Variants in FRMPD2 observed in about 807,000 individuals in gnomAD.
FRMPD2 encodes FERM and PDZ domain-containing protein 2.
Under a neutral mutation model 140.1 loss-of-function variants are expected in FRMPD2, and 96 were observed. The ratio of observed to expected loss-of-function variants is 0.69; its 90% CI spans 0.58 to 0.81. The LOEUF (loss-of-function observed/expected upper bound fraction) is 0.81. Ranked by LOEUF, FRMPD2 falls within the 40% of genes least tolerant of loss-of-function variation. The pLI is 0.00. For missense variants in FRMPD2, 1,240 were observed against 1,447.4 expected, an observed-to-expected ratio of 0.86 and a Z score of 2.32; for synonymous variants, 449 against 547.6, an observed-to-expected ratio of 0.82 and a Z score of 2.52.
intron 9 of FRMPD2, 121 bp downstream of exon 9, chr10:48,236,361 G>C: frequency 1.2e-6 from 1 of 812,672 alleles, no homozygotes. Flanking sequence ...AGAGGTCTGG[G>C]GGAAACTGAA....
At chr10:48,251,746 G>T in intron 1 of FRMPD2, 55 bp from the exon 2 acceptor site, 1 of 1,601,062 alleles carries the variant, frequency 6.2e-7, no homozygotes, top group Non-Finnish European at 8.5e-7. Flanking sequence ...GAACATGTCC[G>T]GGCCCGTACT....
At chr10:48,273,903 G>GT (rs1430981092) in intron 1 of FRMPD2, among the ~76,000 whole-genome samples, 3 of 151,480 alleles carry the variant, frequency 2.0e-5, no homozygotes, top group Non-Finnish European at 4.4e-5. Context: ...AAAAAAAGTT[G>GT]TTTACACTGT....
chr10:48,185,437 AC>A (rs1838658844), intron 18 of FRMPD2, 115 bp downstream of exon 18: 1 of 724,336 alleles, frequency 1.4e-6, no homozygotes, highest in Non-Finnish European at 2.5e-6. Context: ...GAAAAGGCAG[AC>A]TGGGAGAGGA....
rs961142533 is a variant in FRMPD2 at position 48,251,783 on chromosome 10, T to A, written c.26-92A>T. On this transcript the variant is annotated intron_variant, in intron 1 of 28. Transcript: ENST00000374201. ...GCCACTCTGGTGCAGCCAGGCATGGTCTGGCCACTACTGCACACCGGCACT... is the reference window on the plus strand; with the variant it reads ...GCCACTCTGGTGCAGCCAGGCATGGACTGGCCACTACTGCACACCGGCACT... 3 of 1,470,732 alleles carry A rather than the reference T, an allele frequency of 2.0e-6. No individual in the cohort carries two copies. The African/African-American group carries it at 4.2e-5, about 20-fold the overall frequency. The allele number at this position is 1,470,732 out of a possible 1,614,324, so 91.1% of individuals were successfully genotyped here.
intron 10 of FRMPD2, among the ~76,000 whole-genome samples, chr10:48,226,037 T>G (rs917898712): frequency 6.6e-6 from 1 of 152,218 alleles, no homozygotes; most frequent in African/African-American, 2.4e-5. Context: ...TCACATAGAC[T>G]TTCCAAACAT....
chr10:48,272,666 T>A (rs78246974), intron 1 of FRMPD2, among the ~76,000 whole-genome samples: 1,694 of 152,352 alleles, frequency 0.011, 39 homozygotes, highest in African/African-American at 0.039. Flanking sequence ...TTGCTGTTTT[T>A]TCATTCCCTA....
intron 1 of FRMPD2, among the ~76,000 whole-genome samples, chr10:48,263,113 C>T (rs1840622911): frequency 6.6e-6 from 1 of 151,976 alleles, no homozygotes. Context: ...ATATTTTTAA[C>T]TAAACAAAAA....
chr10:48,199,037 A>C (rs1383941678), intron 15 of FRMPD2, among the ~76,000 whole-genome samples: 1 of 152,216 alleles, frequency 6.6e-6, no homozygotes, highest in Non-Finnish European at 1.5e-5. Flanking sequence ...GGAGCTAAAC[A>C]TTGATCAGAC....
intron 14 of FRMPD2, among the ~76,000 whole-genome samples, chr10:48,204,649 G>C (rs765290932): frequency 1.3e-5 from 2 of 152,138 alleles, no homozygotes; most frequent in Non-Finnish European, 2.9e-5. Context: ...TGCAGGATTT[G>C]TTCAGCTTTT....
intron 1 of FRMPD2, among the ~76,000 whole-genome samples, chr10:48,255,360 G>T (rs965825624): frequency 1.6e-4 from 24 of 152,140 alleles, no homozygotes; most frequent in African/African-American, 5.1e-4. Flanking sequence ...CATGCCTCGG[G>T]CTAGAATCTT....
chr10:48,195,460 G>A (rs1023553763), intron 15 of FRMPD2, among the ~76,000 whole-genome samples: 1 of 152,196 alleles, frequency 6.6e-6, no homozygotes, highest in Non-Finnish European at 1.5e-5. Flanking sequence ...AAGCCACAGC[G>A]AGAAATCACT....
At chr10:48,236,445 C>T in intron 9 of FRMPD2, 37 bp downstream of exon 9, 1 of 1,598,954 alleles carries the variant, frequency 6.3e-7, no homozygotes, top group East Asian at 2.2e-5. Flanking sequence ...CTTCCCTCGC[C>T]ACCCTCCATC....
chr10:48,223,494 C>T (rs1227214245), intron 10 of FRMPD2, among the ~76,000 whole-genome samples: 2 of 152,166 alleles, frequency 1.3e-5, no homozygotes, highest in East Asian at 1.9e-4. Context: ...GAAAACTCAA[C>T]ACCAAGAGGA....
At chr10:48,206,054 A>C (rs1839191952) in intron 14 of FRMPD2, among the ~76,000 whole-genome samples, 1 of 152,158 alleles carries the variant, frequency 6.6e-6, no homozygotes, top group African/African-American at 2.4e-5. Context: ...CTGAAGTGAC[A>C]CAGGTACTGA....
intron 14 of FRMPD2, among the ~76,000 whole-genome samples, chr10:48,204,369 A>G: frequency 6.6e-6 from 1 of 152,216 alleles, no homozygotes; most frequent in East Asian, 1.9e-4. Flanking sequence ...ACTCTGTTGC[A>G]GCACTAGAAA....
At chr10:48,236,204 G>A (rs962055207) in intron 9 of FRMPD2, among the ~76,000 whole-genome samples, 3 of 152,116 alleles carry the variant, frequency 2.0e-5, no homozygotes, top group African/African-American at 7.2e-5. Context: ...TGGGGGCCTA[G>A]AATAGTGCCT....
intron 20 of FRMPD2, among the ~76,000 whole-genome samples, chr10:48,181,579 T>C (rs1838548334): frequency 6.6e-6 from 1 of 151,806 alleles, no homozygotes; most frequent in Non-Finnish European, 1.5e-5. Context: ...CCCCTGTGAG[T>C]GAAAGCTAGG....
chr10:48,224,898 G>A (rs1372304051), intron 10 of FRMPD2, among the ~76,000 whole-genome samples: 1 of 152,194 alleles, frequency 6.6e-6, no homozygotes, highest in African/African-American at 2.4e-5. Context: ...GGTTATGAAA[G>A]GTCGAGCAAA....
At chr10:48,259,559 T>C (rs1840542948) in intron 1 of FRMPD2, among the ~76,000 whole-genome samples, 1 of 152,144 alleles carries the variant, frequency 6.6e-6, no homozygotes, top group Non-Finnish European at 1.5e-5. Flanking sequence ...GATGTTTGAT[T>C]AATATGTAAT....
Sources: gnomAD v4.1 joint callset for allele counts (sites outside exome capture counted in the v4.1 genomes callset) on GRCh38, gnomAD v4.1.1 for gene constraint, MANE v1.5 for transcripts, NCBI Gene and HGNC (gene_info 2026-07-23, HGNC 2026-07-21) for gene names.